The following CSGALNACT1 variants were observed in gnomAD, a reference collection of about 807,000 sequenced individuals.
CSGALNACT1 encodes beta4GalNAcT-1.
A neutral mutation model predicts 51.0 loss-of-function variants in CSGALNACT1; 52 were observed. The ratio of observed to expected loss-of-function variants is 1.02; its 90% confidence interval spans 0.82 to 1.29. The LOEUF (loss-of-function observed/expected upper bound fraction) is 1.29. Among genes scored for constraint, CSGALNACT1 ranks in the 50% most tolerant of loss-of-function variants. CSGALNACT1 has a pLI of 0.00. For missense variants in CSGALNACT1, 935 were observed against 679.2 expected (o/e 1.38, Z -4.19); for synonymous variants, 341 against 254.4 (o/e 1.34, Z -3.24).
At chr8:19,583,253 T>G (rs995932249) in intron 3 of CSGALNACT1, among the ~76,000 whole-genome samples, 1 of 152,210 alleles carries the variant, frequency 6.6e-6, no homozygotes, top group African/African-American at 2.4e-5. Context: ...ACAACAATGC[T>G]AGGTTTTATA....
chr8:19,425,394 G>T (rs544590485), intron 6 of CSGALNACT1, among the ~76,000 whole-genome samples: 1 of 152,282 alleles, frequency 6.6e-6, no homozygotes, highest in African/African-American at 2.4e-5. Flanking sequence ...GACAGTAGCT[G>T]TAACTTCACA....
chr8:19,547,659 G>T (rs549706329), intron 3 of CSGALNACT1, among the ~76,000 whole-genome samples: 2 of 152,176 alleles, frequency 1.3e-5, no homozygotes, highest in East Asian at 1.9e-4. Context: ...ACCCAGTCTC[G>T]GGTATATCTT....
chr8:19,658,311 A>G (rs943114806), intron 1 of CSGALNACT1, among the ~76,000 whole-genome samples: 4 of 152,176 alleles, frequency 2.6e-5, no homozygotes, highest in Admixed American at 6.5e-5. Context: ...CCCCAAATTG[A>G]GAAAATACAT....
At chr8:19,519,425 CAG>C (rs144223234) in intron 3 of CSGALNACT1, among the ~76,000 whole-genome samples, 1,764 of 152,266 alleles carry the variant, frequency 0.012, 31 homozygotes, top group African/African-American at 0.04. Flanking sequence ...AAAAAGTAGA[CAG>C]AGCTTTTCAA....
chr8:19,507,403 C>A (rs1003454158), intron 3 of CSGALNACT1, among the ~76,000 whole-genome samples: 2 of 151,902 alleles, frequency 1.3e-5, no homozygotes, highest in African/African-American at 4.8e-5. Context: ...CTGCCTTCTC[C>A]ATTTCCCCCT....
intron 1 of CSGALNACT1, among the ~76,000 whole-genome samples, chr8:19,634,874 C>G (rs886218626): frequency 6.6e-6 from 1 of 152,022 alleles, no homozygotes; most frequent in Non-Finnish European, 1.5e-5. Context: ...TGATGGAAGC[C>G]CAAGCTAAGA....
chr8:19,663,327 C>T (rs760086560), intron 1 of CSGALNACT1, among the ~76,000 whole-genome samples: 17 of 152,116 alleles, frequency 1.1e-4, no homozygotes, highest in Non-Finnish European at 2.4e-4. Context: ...TACAATACTA[C>T]GAAAACCCTG....
intron 3 of CSGALNACT1, among the ~76,000 whole-genome samples, chr8:19,583,373 T>C (rs1403659312): frequency 6.6e-6 from 1 of 152,212 alleles, no homozygotes; most frequent in African/African-American, 2.4e-5. Context: ...GGATTTCTTG[T>C]AGGACAGGTC....
intron 1 of CSGALNACT1, among the ~76,000 whole-genome samples, chr8:19,639,581 T>C (rs915054925): frequency 2.9e-4 from 44 of 152,240 alleles, no homozygotes; most frequent in East Asian, 5.8e-4. Flanking sequence ...GAGGAGATAC[T>C]CAAAATGGGT....
rs114793636 is a variant in CSGALNACT1, at chr8:19,678,493, G to T, written c.-544+3980C>A. 3 of 152,162 alleles carry T rather than the reference G, an allele frequency of 2.0e-5. No homozygotes were observed. The South Asian group carries it at 6.2e-4, about 31-fold the overall frequency. The allele number at this position is 152,162 out of a possible 1,614,324, so 9.4% of individuals were successfully genotyped here. ...GTTACTGATTATGTCTGACGTAAAT[G>T]CAAGTCAGGCACGTAATAGAAAATG... On this transcript the variant is annotated intron_variant, in intron 1 of 9. Transcript: ENST00000332246.
At chr8:19,491,012 A>G (rs1214214383) in intron 4 of CSGALNACT1, among the ~76,000 whole-genome samples, 1 of 152,196 alleles carries the variant, frequency 6.6e-6, no homozygotes, top group Non-Finnish European at 1.5e-5. Flanking sequence ...TCTTATTGCA[A>G]AGTATAACAG....
At chr8:19,421,507 C>T (rs1031158953) in intron 6 of CSGALNACT1, among the ~76,000 whole-genome samples, 8 of 152,180 alleles carry the variant, frequency 5.3e-5, no homozygotes, top group Non-Finnish European at 1.0e-4. Context: ...CTGTCAACGA[C>T]ACCCTTCTTT....
At chr8:19,441,205 T>C (rs1419039220) in intron 5 of CSGALNACT1, among the ~76,000 whole-genome samples, 1 of 152,174 alleles carries the variant, frequency 6.6e-6, no homozygotes, top group Non-Finnish European at 1.5e-5. Context: ...CTTCACAGAA[T>C]TGGAAAAAAC....
chr8:19,494,700 T>C (rs2075116799), intron 4 of CSGALNACT1, among the ~76,000 whole-genome samples: 1 of 152,200 alleles, frequency 6.6e-6, no homozygotes, highest in Non-Finnish European at 1.5e-5. Flanking sequence ...GAGTACCTCC[T>C]CCTGCAATTT....
intron 3 of CSGALNACT1, among the ~76,000 whole-genome samples, chr8:19,544,814 C>T: frequency 6.6e-6 from 1 of 152,112 alleles, no homozygotes; most frequent in Non-Finnish European, 1.5e-5. Context: ...TGGAAAAATA[C>T]AGACATCATC....
intron 3 of CSGALNACT1, among the ~76,000 whole-genome samples, chr8:19,517,272 C>T (rs1017066385): frequency 6.6e-6 from 1 of 152,086 alleles, no homozygotes; most frequent in African/African-American, 2.4e-5. Context: ...GAAAAACCAT[C>T]TCTACTAAAA....
At chr8:19,535,974 G>A (rs527572303) in intron 3 of CSGALNACT1, among the ~76,000 whole-genome samples, 9 of 152,158 alleles carry the variant, frequency 5.9e-5, no homozygotes, top group African/African-American at 1.9e-4. Flanking sequence ...GGAAGTTCTA[G>A]CCAATGCAAG....
intron 1 of CSGALNACT1, among the ~76,000 whole-genome samples, chr8:19,714,733 G>A (rs2154235090): frequency 6.7e-6 from 1 of 150,280 alleles, no homozygotes; most frequent in Admixed American, 6.7e-5. Context: ...TGGTCCCGAT[G>A]ACTGCTTTGT....
At position 19,630,639 on chromosome 8, in the gene CSGALNACT1, C is replaced by G. The variant is rs770938951; in HGVS notation, c.-543-28774G>C. 2.6e-5 allele frequency among the ~76,000 whole-genome samples: 4 copies of G among 152,284 alleles called. No individual in the cohort carries two copies. In the Middle Eastern group the frequency reaches 0.01, roughly 388 times the overall value. On this transcript the variant is annotated intron_variant, in intron 1 of 9. Transcript: ENST00000332246. Reference sequence around the variant, plus strand: ...CCCCTGTTCTTCAACTATTTTATCCCTCCCCCACAAAACCACCAAAACCAC... The same window carrying G: ...CCCCTGTTCTTCAACTATTTTATCCGTCCCCCACAAAACCACCAAAACCAC...
Sources: allele counts gnomAD v4.1 joint callset (sites outside exome capture counted in the v4.1 genomes callset), GRCh38; gene constraint gnomAD v4.1.1; transcripts MANE v1.5; gene names NCBI Gene and HGNC (gene_info 2026-07-23, HGNC 2026-07-21).